B3GALT1: variants seen among roughly 807,000 people sequenced by gnomAD.
The protein encoded by B3GALT1 is beta-1,3-galactosyltransferase 1, also known as UDP-Gal:betaGlcNAc beta 1,3-galactosyltransferase, polypeptide 1.
B3GALT1 carries 10 observed loss-of-function variants against 23.2 expected under a neutral mutation model. That is an observed-to-expected ratio of 0.43 (90% confidence interval 0.27 to 0.73). The LOEUF is 0.73. Ranked by LOEUF, B3GALT1 falls within the 30% of genes least tolerant of loss-of-function variation. The pLI is 0.21. For missense variants in B3GALT1, 299 were observed against 405.4 expected (o/e 0.74, Z 2.25); for synonymous variants, 156 against 141.5 (o/e 1.10, Z -0.73).
chr2:167,363,204 C>T (rs889849593), intron 1 of B3GALT1, among the ~76,000 whole-genome samples: 23 of 151,192 alleles, frequency 1.5e-4, no homozygotes, highest in Admixed American at 3.3e-4. Flanking sequence ...ACTGTGCCAC[C>T]GCACCCAGGA....
At chr2:167,749,516 T>C (rs1687700810) in intron 3 of B3GALT1, among the ~76,000 whole-genome samples, 1 of 152,188 alleles carries the variant, frequency 6.6e-6, no homozygotes, top group African/African-American at 2.4e-5. Flanking sequence ...TGAGGCTTCG[T>C]TCATCCAATA....
At chr2:167,692,958 G>T (rs1348949399) in intron 3 of B3GALT1, among the ~76,000 whole-genome samples, 1 of 151,900 alleles carries the variant, frequency 6.6e-6, no homozygotes, top group Non-Finnish European at 1.5e-5. Flanking sequence ...CAAGTTTGAT[G>T]AGCCAAGGAA....
At chr2:167,317,679 C>T (rs939515503) in intron 1 of B3GALT1, among the ~76,000 whole-genome samples, 13 of 152,082 alleles carry the variant, frequency 8.5e-5, no homozygotes, top group African/African-American at 2.9e-4. Context: ...ACTTTCATCA[C>T]AGTAGTTGTA....
chr2:167,500,807 T>A (rs528649823), intron 2 of B3GALT1, among the ~76,000 whole-genome samples: 98 of 152,220 alleles, frequency 6.4e-4, no homozygotes, highest in African/African-American at 2.3e-3. Flanking sequence ...GGGGTAAGAG[T>A]AGAAAAATCT....
chr2:167,522,602 G>A (rs1700206555), intron 2 of B3GALT1, among the ~76,000 whole-genome samples: 1 of 152,102 alleles, frequency 6.6e-6, no homozygotes. Context: ...TGTTGGTTGT[G>A]TATTTAATTC....
chr2:167,676,123 AT>A (rs1288626365), intron 3 of B3GALT1, among the ~76,000 whole-genome samples: 1 of 151,840 alleles, frequency 6.6e-6, no homozygotes, highest in Non-Finnish European at 1.5e-5. Flanking sequence ...ATGGTTCCAG[AT>A]TCTGTGCTGC....
At position 167,870,121 on chromosome 2, in the gene B3GALT1, G is replaced by T. The variant is rs1690314019; in HGVS notation, c.*101G>T. On this transcript the variant is annotated 3_prime_UTR_variant, in exon 5 of 5. Transcript: ENST00000392690. ...TCGGGGGAAATGAACTGGTGAAGGG[G>T]TTTTGTAAAGTTTTTGCTTCCTGCT... is the stretch of plus-strand genomic sequence containing the variant. The T allele has an allele frequency of 1.9e-5, 24 of 1,256,194 alleles. No individual in the cohort carries two copies. The South Asian group carries it at 4.4e-4, about 23-fold the overall frequency. The allele number at this position is 1,256,194 out of a possible 1,614,324, so 77.8% of individuals were successfully genotyped here. A position where few individuals can be genotyped will look rare whatever the true frequency, so the allele number is the denominator to read the frequency against.
intron 1 of B3GALT1, among the ~76,000 whole-genome samples, chr2:167,418,421 A>T (rs1574071139): frequency 6.6e-6 from 1 of 152,110 alleles, no homozygotes; most frequent in African/African-American, 2.4e-5. Flanking sequence ...GATGAAAAAA[A>T]AAAAAGAGCT....
chr2:167,713,806 A>T, intron 3 of B3GALT1: 1 of 1,593,212 alleles, frequency 6.3e-7, no homozygotes, highest in Non-Finnish European at 8.6e-7. Flanking sequence ...CCCTCTGTGG[A>T]TAGATGTTTC....
chr2:167,507,868 C>T (rs1357891120), intron 2 of B3GALT1, among the ~76,000 whole-genome samples: 1 of 152,172 alleles, frequency 6.6e-6, no homozygotes, highest in Non-Finnish European at 1.5e-5. Context: ...TTAGTTCAGG[C>T]TGCTGTAATG....
chr2:167,557,188 A>G (rs1465055023), intron 2 of B3GALT1, among the ~76,000 whole-genome samples: 2 of 152,064 alleles, frequency 1.3e-5, no homozygotes, highest in East Asian at 3.9e-4. Context: ...TAAATTATTA[A>G]GTGACTTGGA....
intron 2 of B3GALT1, among the ~76,000 whole-genome samples, chr2:167,597,004 C>CATGCA (rs1259958355): frequency 6.6e-6 from 1 of 152,026 alleles, no homozygotes; most frequent in African/African-American, 2.4e-5. Context: ...TATCCAAGGG[C>CATGCA]ATGCAATTAG....
At chr2:167,324,105 G>T (rs1454632671) in intron 1 of B3GALT1, among the ~76,000 whole-genome samples, 1 of 151,970 alleles carries the variant, frequency 6.6e-6, no homozygotes, top group Non-Finnish European at 1.5e-5. Flanking sequence ...GCAAGATTTG[G>T]CTACATTATT....
intron 1 of B3GALT1, among the ~76,000 whole-genome samples, chr2:167,456,032 G>C (rs1699169213): frequency 6.6e-6 from 1 of 152,272 alleles, no homozygotes; most frequent in Middle Eastern, 3.4e-3. Context: ...ATATGACCCT[G>C]TATTAGTCTG....
intron 1 of B3GALT1, among the ~76,000 whole-genome samples, chr2:167,489,223 T>C (rs1464665112): frequency 1.3e-5 from 2 of 152,122 alleles, no homozygotes; most frequent in Non-Finnish European, 2.9e-5. Flanking sequence ...ACTTCTCCAG[T>C]GTTATACATC....
intron 2 of B3GALT1, among the ~76,000 whole-genome samples, chr2:167,566,047 C>G (rs1684157586): frequency 1.3e-5 from 2 of 151,990 alleles, no homozygotes; most frequent in Non-Finnish European, 2.9e-5. Context: ...AAGACACATG[C>G]ATACATATGT....
At chr2:167,734,712 C>G (rs1275533336) in intron 3 of B3GALT1, among the ~76,000 whole-genome samples, 1 of 152,112 alleles carries the variant, frequency 6.6e-6, no homozygotes, top group Non-Finnish European at 1.5e-5. Flanking sequence ...ATCTGATTCC[C>G]CAAGTATCGT....
At chr2:167,451,475 C>T (rs560349333) in intron 1 of B3GALT1, among the ~76,000 whole-genome samples, 10 of 152,258 alleles carry the variant, frequency 6.6e-5, no homozygotes, top group East Asian at 5.8e-4. Context: ...TTCTGGATCT[C>T]GCCATTCAGC....
At chr2:167,629,022 A>G (rs1685393291) in intron 2 of B3GALT1, among the ~76,000 whole-genome samples, 1 of 151,646 alleles carries the variant, frequency 6.6e-6, no homozygotes, top group Non-Finnish European at 1.5e-5. Flanking sequence ...TTTGGAGCCT[A>G]CCATAAATTG....
Sources: allele counts gnomAD v4.1 joint callset (sites outside exome capture counted in the v4.1 genomes callset), GRCh38; gene constraint gnomAD v4.1.1; transcripts MANE v1.5; gene names NCBI Gene and HGNC (gene_info 2026-07-23, HGNC 2026-07-21).